Variants in UBE2E2 observed in about 807,000 individuals in gnomAD.
The protein encoded by UBE2E2 is ubiquitin-conjugating enzyme E2 E2.
In UBE2E2, 6 loss-of-function variants were observed where a neutral mutation model predicts 24.7. The ratio of observed to expected loss-of-function variants is 0.24; its 90% CI spans 0.13 to 0.48. The LOEUF (loss-of-function observed/expected upper bound fraction) is 0.48, where lower values mean the gene tolerates loss of function less well. Among genes scored for constraint, UBE2E2 ranks in the 20% least tolerant of loss-of-function variants. The probability of loss-of-function intolerance (pLI) is 0.99; values close to 1 mark genes in which losing one functional copy is unlikely to be tolerated. For synonymous variants in UBE2E2, 104 were observed against 83.6 expected (o/e 1.24, Z -1.33); for missense variants, 169 against 245.0 (o/e 0.69, Z 2.07).
At chr3:23,559,341 C>G (rs1695865416) in intron 5 of UBE2E2, among the ~76,000 whole-genome samples, 1 of 152,100 alleles carries the variant, frequency 6.6e-6, no homozygotes, top group Admixed American at 6.6e-5. Context: ...ATTAAACATC[C>G]TGGTTTTTCT....
chr3:23,392,978 C>T (rs952422982), intron 3 of UBE2E2, among the ~76,000 whole-genome samples: 14 of 152,218 alleles, frequency 9.2e-5, no homozygotes, highest in African/African-American at 3.1e-4. Context: ...AGTGAGGATG[C>T]GGCAGAAGTG....
chr3:23,343,164 G>A (rs1243429675), intron 3 of UBE2E2, among the ~76,000 whole-genome samples: 1 of 151,640 alleles, frequency 6.6e-6, no homozygotes, highest in Non-Finnish European at 1.5e-5. Flanking sequence ...ATATCTTAAG[G>A]TACATGAAGG....
At chr3:23,487,965 C>G (rs1433612548) in intron 3 of UBE2E2, among the ~76,000 whole-genome samples, 2 of 149,766 alleles carry the variant, frequency 1.3e-5, no homozygotes, top group Non-Finnish European at 3.0e-5. Context: ...GGTCTTGGAG[C>G]TAGATGATTG....
At chr3:23,573,959 CTG>C (rs549002770) in intron 5 of UBE2E2, among the ~76,000 whole-genome samples, 160 of 152,146 alleles carry the variant, frequency 1.1e-3, no homozygotes, top group South Asian at 4.4e-3. Context: ...CAAACTAAAG[CTG>C]TGTGCAATGC....
intron 3 of UBE2E2, 82 bp downstream of exon 3, chr3:23,217,394 T>C: frequency 8.1e-7 from 1 of 1,239,102 alleles, no homozygotes; most frequent in Non-Finnish European, 1.2e-6. Context: ...CAGCTGTTGT[T>C]GTAGTCTGAT....
chr3:23,422,758 G>A (rs13096187), intron 3 of UBE2E2, among the ~76,000 whole-genome samples: 11,002 of 152,218 alleles, frequency 0.072, 516 homozygotes, highest in Non-Finnish European at 0.088. Context: ...AAATAGAATA[G>A]GATGTTTGCT....
intron 3 of UBE2E2, among the ~76,000 whole-genome samples, chr3:23,417,239 T>A (rs929939467): frequency 6.6e-6 from 1 of 152,212 alleles, no homozygotes; most frequent in African/African-American, 2.4e-5. Context: ...GGTTTCTGTG[T>A]GGACGTCCTT....
At chr3:23,204,655 T>C in intron 1 of UBE2E2, 1 of 978,576 alleles carries the variant, frequency 1.0e-6, no homozygotes, top group Non-Finnish European at 1.2e-6. Context: ...TGTTTTCATA[T>C]AATGCCATAC....
At chr3:23,355,737 T>C (rs1695926293) in intron 3 of UBE2E2, among the ~76,000 whole-genome samples, 1 of 152,212 alleles carries the variant, frequency 6.6e-6, no homozygotes, top group Admixed American at 6.5e-5. Flanking sequence ...CTCTGATCTA[T>C]AAAACCTGTA....
At chr3:23,514,872 T>A (rs925602475) in intron 4 of UBE2E2, among the ~76,000 whole-genome samples, 5 of 152,086 alleles carry the variant, frequency 3.3e-5, no homozygotes, top group African/African-American at 1.2e-4. Context: ...AAGACAATGA[T>A]TAAGCAATAG....
chr3:23,473,264 C>T (rs532172555), intron 3 of UBE2E2, among the ~76,000 whole-genome samples: 8 of 152,068 alleles, frequency 5.3e-5, no homozygotes, highest in Admixed American at 4.6e-4. Context: ...TTATTTTATT[C>T]AAATGCTTTT....
At chr3:23,444,175 G>A (rs1467547035) in intron 3 of UBE2E2, among the ~76,000 whole-genome samples, 2 of 150,092 alleles carry the variant, frequency 1.3e-5, no homozygotes, top group South Asian at 2.1e-4. Flanking sequence ...TTGATCCATG[G>A]TTGTTGAAAT....
chr3:23,395,433 C>A (rs1697051621), intron 3 of UBE2E2, among the ~76,000 whole-genome samples: 1 of 152,108 alleles, frequency 6.6e-6, no homozygotes, highest in South Asian at 2.1e-4. Context: ...TTGAAACATG[C>A]AAGTAGATTA....
intron 2 of UBE2E2, among the ~76,000 whole-genome samples, chr3:23,216,429 C>G (rs1167829393): frequency 3.3e-5 from 5 of 152,098 alleles, no homozygotes; most frequent in African/African-American, 1.2e-4. Context: ...TACCAGACAA[C>G]AGGCATCCAG....
intron 3 of UBE2E2, among the ~76,000 whole-genome samples, chr3:23,333,780 G>C (rs912783032): frequency 6.6e-6 from 1 of 152,050 alleles, no homozygotes; most frequent in African/African-American, 2.4e-5. Flanking sequence ...ATATATCTGA[G>C]AGATATATCT....
chr3:23,512,298 G>C (rs1023658478), intron 4 of UBE2E2, among the ~76,000 whole-genome samples: 1 of 151,354 alleles, frequency 6.6e-6, no homozygotes, highest in Non-Finnish European at 1.5e-5. Flanking sequence ...GCTCACTGCA[G>C]CCTCAACCTC....
At chr3:23,307,107 T>C (rs919235348) in intron 3 of UBE2E2, among the ~76,000 whole-genome samples, 4 of 152,200 alleles carry the variant, frequency 2.6e-5, no homozygotes, top group African/African-American at 9.6e-5. Context: ...GTATGCTAAC[T>C]TGGAGATGTT....
intron 3 of UBE2E2, among the ~76,000 whole-genome samples, chr3:23,272,300 G>A (rs1374596000): frequency 6.7e-6 from 1 of 149,254 alleles, no homozygotes; most frequent in African/African-American, 2.4e-5. Flanking sequence ...TTCTCTGAGT[G>A]TGGGGCCTGC....
At chr3:23,501,926 A>G (rs58068931) in intron 4 of UBE2E2, among the ~76,000 whole-genome samples, 42,729 of 151,868 alleles carry the variant, frequency 0.28, 6,359 homozygotes, top group East Asian at 0.37. Context: ...AAAAAAGCAA[A>G]CTTTGGTACC....
Sources: gnomAD v4.1 joint callset for allele counts (sites outside exome capture counted in the v4.1 genomes callset) on GRCh38, gnomAD v4.1.1 for gene constraint, MANE v1.5 for transcripts, NCBI Gene and HGNC (gene_info 2026-07-23, HGNC 2026-07-21) for gene names.